AKAP8L: variants seen among roughly 807,000 people sequenced by gnomAD.
AKAP8L encodes A-kinase anchor protein 8-like.
Under a neutral mutation model 77.5 loss-of-function variants are expected in AKAP8L, and 34 were observed. That is an observed-to-expected ratio of 0.44 (90% CI 0.33 to 0.58). The LOEUF is 0.58. Among genes scored for constraint, AKAP8L ranks in the 20% least tolerant of loss-of-function variants. The probability of loss-of-function intolerance (pLI) is 0.02; values close to 1 mark genes in which losing one functional copy is unlikely to be tolerated. For missense variants in AKAP8L, 806 were observed against 887.6 expected (o/e 0.91, Z 1.17); for synonymous variants, 342 against 340.7 (o/e 1.00, Z -0.04).
At chr19:15,392,767 G>A (rs1599598036) in intron 12 of AKAP8L, among the ~76,000 whole-genome samples, 2 of 150,562 alleles carry the variant, frequency 1.3e-5, no homozygotes, top group South Asian at 2.1e-4. Context: ...GTGGTGGTGC[G>A]TGCCTGTAAT....
chr19:15,403,528 C>A lies in AKAP8L; in HGVS notation c.309G>T (p.Pro103=), dbSNP rs1568270227. The change falls in exon 4 of 14, where the codon CCG becomes CCT. Residue 103 remains proline, a synonymous_variant. Transcript: ENST00000397410. The surrounding 1 kb of genome is among the most constrained non-coding windows in gnomAD (Gnocchi z 4.3). ...SRINQRLDMV[P]HLETDMMQGG... is the part of the protein sequence containing the mutation. The stretch of plus-strand genomic sequence containing the variant: ...CTTGCATCATGTCTGTCTCCAAATG[C>A]GGCACCATATCTAAGCGCTGGTTAA... 6.2e-7 allele frequency: 1 copy of A among 1,613,954 alleles called. No individual in the cohort carries two copies. Among genetic ancestry groups the A allele is most frequent in the South Asian group, 1.1e-5 (1 of 91,086 alleles).
chr19:15,386,004 G>C (rs1054474684), intron 12 of AKAP8L, among the ~76,000 whole-genome samples: 2 of 150,866 alleles, frequency 1.3e-5, no homozygotes, highest in African/African-American at 2.4e-5. Context: ...TCCGCCTCCT[G>C]GGTTCACACC....
chr19:15,391,066 G>GGTAA (rs1400568651), intron 12 of AKAP8L, among the ~76,000 whole-genome samples: 3 of 152,016 alleles, frequency 2.0e-5, no homozygotes, highest in African/African-American at 7.2e-5. Flanking sequence ...AGGGCAATTA[G>GGTAA]GTAAGAAAAA....
At position 15,403,036 on chromosome 19, in the gene AKAP8L, C is replaced by T. The variant is rs1242755868; in HGVS notation, c.362+439G>A. Among the ~76,000 whole-genome samples, 1 of 152,144 alleles carries T rather than the reference C, an allele frequency of 6.6e-6. No individual in the cohort carries two copies. Among genetic ancestry groups the T allele is most frequent in the Non-Finnish European group, 1.5e-5 (1 of 68,026 alleles). ...AGGAAATGCCCACACCTGCCCCGAC[C>T]CTTACGTGGGGGTGGCCCAGCTCGC... On this transcript the variant is annotated intron_variant, in intron 4 of 13. Transcript: ENST00000397410. This position sits in a 1 kb window ranked among gnomAD's most constrained non-coding sequence, Gnocchi z 4.3.
At chr19:15,385,336 C>A (rs1203813840) in intron 12 of AKAP8L, among the ~76,000 whole-genome samples, 1 of 148,368 alleles carries the variant, frequency 6.7e-6, no homozygotes, top group African/African-American at 2.5e-5. Context: ...CGCCCGCCAC[C>A]ACGTCTGGCT....
At chr19:15,384,946 C>T (rs1266348610) in intron 12 of AKAP8L, among the ~76,000 whole-genome samples, 5 of 151,002 alleles carry the variant, frequency 3.3e-5, no homozygotes, top group African/African-American at 1.2e-4. Context: ...TATCAGCTCA[C>T]TGCGAGCTCC....
intron 12 of AKAP8L, chr19:15,380,914 T>G (rs1389355742): frequency 5.7e-6 from 2 of 349,374 alleles, no homozygotes; most frequent in African/African-American, 4.1e-5. Context: ...CAGTGAACAA[T>G]TAAGAAACTA....
intron 1 of AKAP8L, among the ~76,000 whole-genome samples, chr19:15,414,988 T>C (rs931041047): frequency 6.6e-6 from 1 of 152,216 alleles, no homozygotes; most frequent in Non-Finnish European, 1.5e-5. Flanking sequence ...TTTTCTTTTT[T>C]TGTTTTGAGA....
Position 15,401,057 on chromosome 19 carries a change from G to A in AKAP8L, c.817-14C>T, listed in dbSNP as rs370735649. ...CTTCTTCTTGGTCTGGGTCATAAGGGGGGGAAGCCGTGTCAGGGTGCATGG... is the reference window on the plus strand; with the variant it reads ...CTTCTTCTTGGTCTGGGTCATAAGGAGGGGAAGCCGTGTCAGGGTGCATGG... On this transcript the variant is annotated splice_polypyrimidine_tract_variant and intron_variant, in intron 5 of 13. Coordinates refer to ENST00000397410, the MANE Select transcript of AKAP8L (RefSeq NM_014371.4). The surrounding 1 kb of genome is among the most constrained non-coding windows in gnomAD (Gnocchi z 6.2). 5.6e-6 allele frequency: 9 copies of A among 1,611,170 alleles called. No homozygotes were observed. In the South Asian group the frequency reaches 6.6e-5, roughly 12 times the overall value.
intron 12 of AKAP8L, among the ~76,000 whole-genome samples, chr19:15,391,519 ATG>A: frequency 4.4e-4 from 3 of 6,770 alleles, no homozygotes; most frequent in African/African-American, 3.2e-3. Context: ...ACATTATTTT[ATG>A]TTTTTATTTT....
rs2145137011 is a variant in AKAP8L at position 15,403,886 on chromosome 19, A to G, written c.121+124T>C. 8.2e-7 allele frequency: 1 copy of G among 1,218,584 alleles called. No homozygotes were observed. 75.5% of individuals were successfully genotyped at this position (1,218,584 alleles called of 1,614,324 possible). ...TTCTGATGAGGGCCTCCTGTTAAGG[A>G]GTAGGTAACCCCAGAAACATGCCCC... On this transcript the variant is annotated intron_variant, in intron 3 of 13. Transcript: ENST00000397410. The surrounding 1 kb of genome is among the most constrained non-coding windows in gnomAD (Gnocchi z 4.3).
At chr19:15,388,590 T>G (rs948618102) in intron 12 of AKAP8L, among the ~76,000 whole-genome samples, 1 of 152,124 alleles carries the variant, frequency 6.6e-6, no homozygotes, top group African/African-American at 2.4e-5. Context: ...CAAAAATCCA[T>G]TTGAAGGACT....
intron 1 of AKAP8L, among the ~76,000 whole-genome samples, chr19:15,416,059 TCAAG>T (rs1968201740): frequency 6.6e-6 from 1 of 151,950 alleles, no homozygotes; most frequent in African/African-American, 2.4e-5. Flanking sequence ...ACTCCTGGCC[TCAAG>T]CAATCTTCCT....
chr19:15,412,689 G>A (rs185343625), intron 1 of AKAP8L, among the ~76,000 whole-genome samples: 5 of 152,204 alleles, frequency 3.3e-5, no homozygotes, highest in East Asian at 1.9e-4. Context: ...CTACAGGCGC[G>A]TGCCACCATG....
Position 15,401,347 on chromosome 19 carries a change from C to T in AKAP8L, c.619G>A (p.Ala207Thr), listed in dbSNP as rs1342512755. ...YGRMWEDPMG[A>T]RGQCMSGASR... is the part of the protein sequence containing the mutation. ...GCACCAGACATGCACTGGCCCCGGG[C>T]CCCCATGGGGTCTTCCCACATGCGC... is the stretch of plus-strand genomic sequence containing the variant. Residue 207 changes from alanine (A) to threonine (T), a missense_variant, in exon 5 of 14, where the codon GCC becomes ACC. By Grantham distance (58) the Ala-to-Thr change is moderately conservative. Coordinates refer to ENST00000397410, the MANE Select transcript of AKAP8L (RefSeq NM_014371.4). The surrounding 1 kb of genome is among the most constrained non-coding windows in gnomAD (Gnocchi z 6.2). The T allele has an allele frequency of 3.1e-6, 5 of 1,613,376 alleles. No homozygotes were observed. The highest frequency in any genetic ancestry group is 4.2e-6 in the Non-Finnish European group (5 of 1,179,862).
intron 7 of AKAP8L, 156 bp downstream of exon 7, chr19:15,400,638 A>G (rs1240660209): frequency 2.1e-6 from 2 of 948,990 alleles, no homozygotes; most frequent in Non-Finnish European, 3.2e-6. Flanking sequence ...CCAGCTAGGC[A>G]GCCTGTGCTT....
At position 15,403,337 on chromosome 19, in the gene AKAP8L, A is replaced by G. The variant is rs1470122899; in HGVS notation, c.362+138T>C. On this transcript the variant is annotated intron_variant, in intron 4 of 13. Transcript: ENST00000397410. This position sits in a 1 kb window ranked among gnomAD's most constrained non-coding sequence, Gnocchi z 4.3. ...AAGTCAGAGACGGGAAGTGCAACGGACCCTGCTGGGAGCCACAGCAGCACC... is the reference window on the plus strand; with the variant it reads ...AAGTCAGAGACGGGAAGTGCAACGGGCCCTGCTGGGAGCCACAGCAGCACC... 1.3e-6 allele frequency: 1 copy of G among 780,120 alleles called. No homozygotes were observed. Among genetic ancestry groups the G allele is most frequent in the African/African-American group, 1.7e-5 (1 of 58,324 alleles). The allele number at this position is 780,120 out of a possible 1,614,324, so 48.3% of individuals were successfully genotyped here.
At position 15,401,587 on chromosome 19, in the gene AKAP8L, A is replaced by G; in HGVS notation, c.379T>C (p.Ser127Pro). 1 of 1,601,026 alleles carries G rather than the reference A, an allele frequency of 6.2e-7. No individual in the cohort carries two copies. The highest frequency in any genetic ancestry group is 1.3e-5 in the African/African-American group (1 of 74,726). The change falls in exon 5 of 14, where the codon TCC (serine) becomes CCC (proline). Residue 127 changes from serine to proline, a missense_variant. Coordinates refer to ENST00000397410, the MANE Select transcript of AKAP8L (RefSeq NM_014371.4). This position sits in a 1 kb window ranked among gnomAD's most constrained non-coding sequence, Gnocchi z 6.2. ...CTCAGGACGGCCCTCGAGTCGCAGG[A>G]CTCATAAGAGTCATACCTGCAGAGG... ...SGGERYDSYE[S>P]CDSRAVLSER...
In AKAP8L at chr19:15,403,237, T is replaced by C; in HGVS notation, c.362+238A>G. ...TGAAGTCTGCCCAGTCTGGGCTTGTTCCTCTCACCGCAAGCTGGGAAAGGC... is the reference window on the plus strand; with the variant it reads ...TGAAGTCTGCCCAGTCTGGGCTTGTCCCTCTCACCGCAAGCTGGGAAAGGC... On this transcript the variant is annotated intron_variant, in intron 4 of 13. Coordinates refer to ENST00000397410, the MANE Select transcript of AKAP8L (RefSeq NM_014371.4). The surrounding 1 kb of genome is among the most constrained non-coding windows in gnomAD (Gnocchi z 4.3). 1.8e-6 allele frequency: 1 copy of C among 551,362 alleles called. No individual in the cohort carries two copies. Among genetic ancestry groups the C allele is most frequent in the Middle Eastern group, 4.9e-4 (1 of 2,028 alleles). 34.2% of individuals were successfully genotyped at this position (551,362 alleles called of 1,614,324 possible).
Sources: gnomAD v4.1 joint callset for allele counts (sites outside exome capture counted in the v4.1 genomes callset) on GRCh38, gnomAD v4.1.1 for gene constraint, Gnocchi (gnomAD v3.1) non-coding constraint, MANE v1.5 for transcripts, NCBI Gene and HGNC (gene_info 2026-07-23, HGNC 2026-07-21) for gene names.